SNCAIP: variants seen among roughly 807,000 people sequenced by gnomAD.
The protein encoded by SNCAIP is synphilin-1.
Under a neutral mutation model 86.7 loss-of-function variants are expected in SNCAIP, and 43 were observed. The ratio of observed to expected loss-of-function variants is 0.50; its 90% confidence interval spans 0.39 to 0.64. The LOEUF is 0.64. Among genes scored for constraint, SNCAIP ranks in the 30% least tolerant of loss-of-function variants. The probability of loss-of-function intolerance (pLI) is 0.00; values close to 1 mark genes in which losing one functional copy is unlikely to be tolerated. For missense variants in SNCAIP, 981 were observed against 1,103.1 expected, an observed-to-expected ratio of 0.89 and a Z score of 1.57; for synonymous variants, 417 against 427.2, an observed-to-expected ratio of 0.98 and a Z score of 0.29.
chr5:122,323,972 A>G (rs78192273), intron 1 of SNCAIP, among the ~76,000 whole-genome samples: 2,062 of 152,294 alleles, frequency 0.014, 56 homozygotes, highest in African/African-American at 0.047. Flanking sequence ...GAAAGGGAGT[A>G]GCTACATGTC....
At chr5:122,321,934 A>G (rs1323499484) in intron 1 of SNCAIP, 1 of 152,188 alleles carries the variant, frequency 6.6e-6, no homozygotes, top group African/African-American at 2.4e-5. Flanking sequence ...AGTATGTGAA[A>G]TCATAAGTCT....
intron 1 of SNCAIP, chr5:122,321,309 GT>G (rs1185806745): frequency 6.6e-6 from 1 of 152,042 alleles, no homozygotes; most frequent in African/African-American, 2.4e-5. Flanking sequence ...TTTGGTGTAT[GT>G]TTTTTACTTA....
At chr5:122,343,629 G>A (rs1470607369) in intron 1 of SNCAIP, among the ~76,000 whole-genome samples, 2 of 152,200 alleles carry the variant, frequency 1.3e-5, no homozygotes, top group African/African-American at 2.4e-5. Context: ...TAGAAAAGCC[G>A]GTTATATACC....
At chr5:122,444,436 G>A in intron 7 of SNCAIP, 127 bp from the exon 8 acceptor site, 1 of 813,916 alleles carries the variant, frequency 1.2e-6, no homozygotes, top group East Asian at 2.4e-5. Context: ...CTGAAGGGAG[G>A]TGTGTGATAT....
chr5:122,374,362 C>T (rs1764861408), intron 1 of SNCAIP, among the ~76,000 whole-genome samples: 1 of 152,190 alleles, frequency 6.6e-6, no homozygotes, highest in Non-Finnish European at 1.5e-5. Flanking sequence ...CTTCTCTGCT[C>T]TCAGTCCTTT....
intron 1 of SNCAIP, among the ~76,000 whole-genome samples, chr5:122,333,721 T>A (rs2152703239): frequency 6.6e-6 from 1 of 152,312 alleles, no homozygotes; most frequent in Non-Finnish European, 1.5e-5. Context: ...CCAAATTAAG[T>A]CAAGACAGAG....
chr5:122,318,137 G>C (rs1160747486), intron 1 of SNCAIP, among the ~76,000 whole-genome samples: 1 of 152,046 alleles, frequency 6.6e-6, no homozygotes, highest in Non-Finnish European at 1.5e-5. Context: ...TGCAGGGGAT[G>C]GGTAGGTGCT....
intron 1 of SNCAIP, among the ~76,000 whole-genome samples, chr5:122,349,402 A>G (rs1759319253): frequency 6.6e-6 from 1 of 152,150 alleles, no homozygotes; most frequent in Non-Finnish European, 1.5e-5. Context: ...TAATACCTCT[A>G]AAGGGTATTA....
chr5:122,442,174 T>C (rs914970279), intron 7 of SNCAIP, among the ~76,000 whole-genome samples: 2 of 141,618 alleles, frequency 1.4e-5, no homozygotes, highest in East Asian at 2.1e-4. Flanking sequence ...GCAAACTCAG[T>C]GTGCTCAGTT....
intron 2 of SNCAIP, among the ~76,000 whole-genome samples, chr5:122,402,592 C>G (rs1772060102): frequency 6.6e-6 from 1 of 152,092 alleles, no homozygotes; most frequent in African/African-American, 2.4e-5. Context: ...ACGTTCCCAC[C>G]CTATGTCTTG....
At chr5:122,463,217 A>C (rs537283834) in intron 10 of SNCAIP, among the ~76,000 whole-genome samples, 3 of 152,328 alleles carry the variant, frequency 2.0e-5, no homozygotes, top group Admixed American at 6.5e-5. Flanking sequence ...TTGACTGTAA[A>C]ATGCCTGTAT....
chr5:122,378,898 T>C (rs1765997085), intron 1 of SNCAIP, among the ~76,000 whole-genome samples: 1 of 145,654 alleles, frequency 6.9e-6, no homozygotes, highest in African/African-American at 2.6e-5. Context: ...CATTCATCTA[T>C]ATCTCTGTTT....
intron 2 of SNCAIP, among the ~76,000 whole-genome samples, chr5:122,392,334 A>T (rs532281866): frequency 6.6e-6 from 1 of 152,132 alleles, no homozygotes; most frequent in Non-Finnish European, 1.5e-5. Flanking sequence ...ATTAAAACCA[A>T]TGTGGAGTGA....
At chr5:122,357,376 C>T (rs1335766172) in intron 1 of SNCAIP, among the ~76,000 whole-genome samples, 12 of 152,030 alleles carry the variant, frequency 7.9e-5, no homozygotes, top group Admixed American at 2.0e-4. Flanking sequence ...GCTAGGACTA[C>T]AGGCACACAC....
intron 8 of SNCAIP, among the ~76,000 whole-genome samples, chr5:122,447,897 A>C (rs1391334191): frequency 6.6e-6 from 1 of 152,212 alleles, no homozygotes; most frequent in Non-Finnish European, 1.5e-5. Context: ...TTTAAGAAAA[A>C]GTTTGCTTGC....
intron 1 of SNCAIP, among the ~76,000 whole-genome samples, chr5:122,360,636 A>T (rs1044171993): frequency 1.3e-5 from 2 of 152,142 alleles, no homozygotes; most frequent in African/African-American, 4.8e-5. Flanking sequence ...AACTGTGCAG[A>T]ATTGTAAGGT....
chr5:122,317,565 G>T (rs906071859), intron 1 of SNCAIP, among the ~76,000 whole-genome samples: 1 of 152,134 alleles, frequency 6.6e-6, no homozygotes, highest in Non-Finnish European at 1.5e-5. Context: ...GAAGGGGAGA[G>T]TGGTATGTGT....
chr5:122,461,385 G>A (rs1786196536), intron 10 of SNCAIP, among the ~76,000 whole-genome samples: 1 of 152,072 alleles, frequency 6.6e-6, no homozygotes, highest in Admixed American at 6.6e-5. Flanking sequence ...TCAGTTCTGG[G>A]AAATGTTTTG....
At chr5:122,327,286 C>G (rs567837945) in intron 1 of SNCAIP, among the ~76,000 whole-genome samples, 1 of 152,148 alleles carries the variant, frequency 6.6e-6, no homozygotes, top group African/African-American at 2.4e-5. Context: ...TACCCAAGAA[C>G]CTTCCTTGGC....
Sources: gnomAD v4.1 joint callset for allele counts (sites outside exome capture counted in the v4.1 genomes callset) on GRCh38, gnomAD v4.1.1 for gene constraint, MANE v1.5 for transcripts, NCBI Gene and HGNC (gene_info 2026-07-23, HGNC 2026-07-21) for gene names.